The following AGBL1 variants were observed in gnomAD, a reference collection of about 807,000 sequenced individuals.
AGBL1 encodes cytosolic carboxypeptidase 4.
A neutral mutation model predicts 118.9 loss-of-function variants in AGBL1; 130 were observed. The ratio of observed to expected loss-of-function variants is 1.09; its 90% CI spans 0.95 to 1.26. AGBL1 has a LOEUF of 1.26. Among genes scored for constraint, AGBL1 ranks in the 50% most tolerant of loss-of-function variants. The pLI is 0.00. For synonymous variants in AGBL1, 555 were observed against 478.9 expected, an observed-to-expected ratio of 1.16 and a Z score of -2.08; for missense variants, 1,584 against 1,298.1, an observed-to-expected ratio of 1.22 and a Z score of -3.38.
chr15:86,488,566 C>T (rs908460913), intron 18 of AGBL1, among the ~76,000 whole-genome samples: 2 of 152,000 alleles, frequency 1.3e-5, no homozygotes. Flanking sequence ...AATCCAGCAC[C>T]ACCTGCACCA....
chr15:86,149,067 A>T (rs143059913), intron 3 of AGBL1, among the ~76,000 whole-genome samples: 5 of 152,212 alleles, frequency 3.3e-5, no homozygotes, highest in Admixed American at 3.3e-4. Context: ...TTTTACAGAC[A>T]AGAAAATGCT....
At chr15:86,732,505 A>G (rs1279782139) in intron 22 of AGBL1, among the ~76,000 whole-genome samples, 2 of 152,148 alleles carry the variant, frequency 1.3e-5, no homozygotes, top group Non-Finnish European at 2.9e-5. Context: ...TAAATTAGGC[A>G]GATTTGGTTT....
At chr15:86,672,566 G>A (rs745635393) in intron 21 of AGBL1, among the ~76,000 whole-genome samples, 3 of 152,162 alleles carry the variant, frequency 2.0e-5, no homozygotes, top group African/African-American at 4.8e-5. Context: ...TTTGCCACCT[G>A]TGAGGTGGCT....
In AGBL1 at chr15:86,965,550, G is replaced by A. The variant is rs187552842; in HGVS notation, c.3222-22437G>A. ...ATATTAGCCCTTTGTCAGATGGATA[G>A]ATTGAAAAAATTTTCTCCCATTCTG... On this transcript the variant is annotated intron_variant, in intron 23 of 24. Transcript: ENST00000441037. Among the ~76,000 whole-genome samples the A allele has an allele frequency of 6.6e-5, 10 of 152,078 alleles. No individual in the cohort carries two copies. In the East Asian group the frequency reaches 1.7e-3, roughly 27 times the overall value.
intron 22 of AGBL1, among the ~76,000 whole-genome samples, chr15:86,806,227 T>G (rs774329358): frequency 3.3e-5 from 5 of 152,100 alleles, no homozygotes; most frequent in Admixed American, 6.6e-5. Flanking sequence ...ATAGACATAC[T>G]ATAGATCAAT....
At chr15:86,364,129 A>C (rs1025160388) in intron 17 of AGBL1, among the ~76,000 whole-genome samples, 6 of 152,166 alleles carry the variant, frequency 3.9e-5, no homozygotes, top group African/African-American at 1.4e-4. Flanking sequence ...ACTCTGGAAT[A>C]ATCATTCTTT....
chr15:86,962,116 C>G (rs901284123), intron 23 of AGBL1, among the ~76,000 whole-genome samples: 2 of 152,106 alleles, frequency 1.3e-5, no homozygotes, highest in African/African-American at 4.8e-5. Context: ...ATTCAATTAT[C>G]CTGGAGACAG....
chr15:86,154,691 A>G, intron 4 of AGBL1, 130 bp downstream of exon 4: 1 of 1,178,772 alleles, frequency 8.5e-7, no homozygotes, highest in Non-Finnish European at 1.1e-6. Context: ...AGCCAGATAA[A>G]TAAAAGAGAC....
intron 19 of AGBL1, among the ~76,000 whole-genome samples, chr15:86,543,552 A>G (rs1450029810): frequency 6.6e-6 from 1 of 152,240 alleles, no homozygotes; most frequent in African/African-American, 2.4e-5. Context: ...TACATCAGGA[A>G]CTGGAGAAGT....
intron 18 of AGBL1, among the ~76,000 whole-genome samples, chr15:86,489,807 G>A (rs748666913): frequency 3.9e-5 from 6 of 152,094 alleles, no homozygotes; most frequent in East Asian, 3.9e-4. Flanking sequence ...AGAGACATTC[G>A]TTCAGCAGGG....
At chr15:86,854,934 G>C (rs2079457102) in intron 22 of AGBL1, among the ~76,000 whole-genome samples, 2 of 152,152 alleles carry the variant, frequency 1.3e-5, no homozygotes, top group African/African-American at 2.4e-5. Flanking sequence ...GATGACTTCA[G>C]TGATATCTTA....
intron 22 of AGBL1, among the ~76,000 whole-genome samples, chr15:86,806,908 T>C (rs2078722497): frequency 6.6e-6 from 1 of 152,058 alleles, no homozygotes; most frequent in Non-Finnish European, 1.5e-5. Context: ...CCACGTATCA[T>C]ACGGTACATA....
intron 18 of AGBL1, among the ~76,000 whole-genome samples, chr15:86,409,135 T>C (rs1409620271): frequency 6.6e-6 from 1 of 152,186 alleles, no homozygotes; most frequent in Non-Finnish European, 1.5e-5. Context: ...GTAGAGAATT[T>C]GCAGGGCATC....
intron 16 of AGBL1, among the ~76,000 whole-genome samples, chr15:86,283,742 A>T (rs989584386): frequency 6.6e-6 from 1 of 152,132 alleles, no homozygotes; most frequent in Non-Finnish European, 1.5e-5. Flanking sequence ...GACAGACCCC[A>T]ATAAAGGTTC....
chr15:86,267,869 T>G (rs538879411), intron 13 of AGBL1, among the ~76,000 whole-genome samples: 1 of 152,306 alleles, frequency 6.6e-6, no homozygotes, highest in South Asian at 2.1e-4. Context: ...AATGGTGTGG[T>G]GGCCATAGAC....
intron 3 of AGBL1, among the ~76,000 whole-genome samples, chr15:86,153,257 A>C (rs1328086807): frequency 2.6e-5 from 4 of 152,248 alleles, no homozygotes; most frequent in Non-Finnish European, 4.4e-5. Flanking sequence ...ACTTGGAACC[A>C]ACCCAAATGT....
intron 22 of AGBL1, among the ~76,000 whole-genome samples, chr15:86,727,531 C>T (rs1435520286): frequency 1.3e-5 from 2 of 152,016 alleles, no homozygotes. Context: ...AGTTCTTCCC[C>T]AAGAACTTGT....
In AGBL1 at chr15:86,973,229, G is replaced by A. The variant is rs544954700; in HGVS notation, c.3222-14758G>A. Among the ~76,000 whole-genome samples the A allele has an allele frequency of 2.6e-5, 4 of 152,006 alleles. No individual in the cohort carries two copies. The South Asian group carries it at 8.3e-4, about 32-fold the overall frequency. On this transcript the variant is annotated intron_variant, in intron 23 of 24. Transcript: ENST00000441037. ...ATTATTCCTTGTTTAAAACTCCACT[G>A]ACATTAAATAGCCACATGAAGAGCA... is the stretch of plus-strand genomic sequence containing the variant.
intron 17 of AGBL1, among the ~76,000 whole-genome samples, chr15:86,332,421 C>A (rs557730734): frequency 6.6e-6 from 1 of 151,860 alleles, no homozygotes; most frequent in African/African-American, 2.4e-5. Flanking sequence ...CTGAGGTGGG[C>A]GGATCACGAG....
Sources: allele counts gnomAD v4.1 joint callset (sites outside exome capture counted in the v4.1 genomes callset), GRCh38; gene constraint gnomAD v4.1.1; transcripts MANE v1.5; gene names NCBI Gene and HGNC (gene_info 2026-07-23, HGNC 2026-07-21).